The following CCHCR1 variants were observed in gnomAD, a reference collection of about 807,000 sequenced individuals.
CCHCR1 encodes the protein HCR (a-helix coiled-coil rod homologue).
Under a neutral mutation model 114.6 loss-of-function variants are expected in CCHCR1, and 91 were observed. That is an observed-to-expected ratio of 0.79 (90% confidence interval 0.67 to 0.94). The LOEUF is 0.94. CCHCR1 is among the 40% of genes least tolerant of loss of function. CCHCR1 has a pLI of 0.00. For missense variants in CCHCR1, 899 were observed against 1,079.9 expected (o/e 0.83, Z 2.35); for synonymous variants, 379 against 428.5 (o/e 0.88, Z 1.43).
intron 10 of CCHCR1, among the ~76,000 whole-genome samples, chr6:31,146,815 C>A (rs1159626940): frequency 6.6e-6 from 1 of 152,180 alleles, no homozygotes; most frequent in Non-Finnish European, 1.5e-5. Flanking sequence ...CAAAGTCAAA[C>A]CCTGTCCACA....
chr6:31,142,798 G>A (rs751882928), intron 17 of CCHCR1, 82 bp from the exon 18 acceptor site: 38 of 1,551,862 alleles, frequency 2.4e-5, no homozygotes, highest in Admixed American at 8.9e-5. Flanking sequence ...CACAGGAAAT[G>A]AGGAATGGGA....
At position 31,142,699 on chromosome 6, in the gene CCHCR1, G is replaced by C. The variant is rs1318626772; in HGVS notation, c.2509C>G (p.Leu837Val). Reference sequence around the variant, plus strand: ...TCACTCAGGTCCTGCAGGTCATCGAGCAGGACAGAGAGGGACCCTGGGAAG... The same window carrying C: ...TCACTCAGGTCCTGCAGGTCATCGACCAGGACAGAGAGGGACCCTGGGAAG... ...ESIKGSLSVLLDDLQDLSEAI... is the reference protein window; with the variant it reads ...ESIKGSLSVLVDDLQDLSEAI... Residue 837 changes from leucine to valine, a missense_variant, in exon 18 of 18, where the codon CTC becomes GTC. Coordinates refer to ENST00000396268, the MANE Select transcript of CCHCR1 (RefSeq NM_001105564.2). 1 of 1,611,870 alleles carries C rather than the reference G, an allele frequency of 6.2e-7. No homozygotes were observed.
At chr6:31,148,854 C>CCCCCCCCA in intron 8 of CCHCR1, 126 bp from the exon 9 acceptor site, 1 of 53,174 alleles carries the variant, frequency 1.9e-5, no homozygotes, top group Non-Finnish European at 3.1e-5. Flanking sequence ...GGAGGGGGGG[C>CCCCCCCCA]GGGCGACGGG....
intron 4 of CCHCR1, among the ~76,000 whole-genome samples, chr6:31,152,433 G>A (rs1328554153): frequency 6.8e-6 from 1 of 147,516 alleles, no homozygotes; most frequent in Non-Finnish European, 1.5e-5. Context: ...CTGCCTCCCA[G>A]GTTCAAGCGA....
chr6:31,149,053 G>A (rs1325463496), intron 8 of CCHCR1: 8 of 274,716 alleles, frequency 2.9e-5, no homozygotes, highest in Admixed American at 9.1e-5. Flanking sequence ...TCGGGAGGCT[G>A]AGGCAGGAGA....
In CCHCR1 at chr6:31,144,971, A is replaced by G. The variant is rs1362189825; in HGVS notation, c.1979T>C (p.Val660Ala). The G allele has an allele frequency of 2.5e-6, 4 of 1,609,026 alleles. No homozygotes were observed. The highest frequency in any genetic ancestry group is 1.3e-5 in the African/African-American group (1 of 74,788). ...SLASLGLQLE[V>A]ARQGQQESTE... Reference sequence around the variant, plus strand: ...GCTCTCCTGCTGGCCCTGGCGTGCTACCTCCAGCTGCAGCCCCAAGCTAGC... The same window carrying G: ...GCTCTCCTGCTGGCCCTGGCGTGCTGCCTCCAGCTGCAGCCCCAAGCTAGC... The change falls in exon 14 of 18, where the codon GTA (valine) becomes GCA (alanine). Residue 660 changes from valine to alanine, a missense_variant. Physicochemically the swap from Val to Ala is moderately conservative, Grantham distance 64. Coordinates refer to ENST00000396268, the MANE Select transcript of CCHCR1 (RefSeq NM_001105564.2). This position sits in a 1 kb window ranked among gnomAD's most constrained non-coding sequence, Gnocchi z 4.6.
chr6:31,157,294 T>A, intron 1 of CCHCR1, 91 bp downstream of exon 1: 1 of 1,233,308 alleles, frequency 8.1e-7, no homozygotes, highest in South Asian at 1.2e-5. Context: ...CCCAAGCAAC[T>A]ATCAAGTGGA....
Position 31,148,508 on chromosome 6 carries a change from G to C in CCHCR1, c.1477C>G (p.Leu493Val). 1 of 1,611,240 alleles carries C rather than the reference G, an allele frequency of 6.2e-7. No individual in the cohort carries two copies. The highest frequency in any genetic ancestry group is 8.5e-7 in the Non-Finnish European group (1 of 1,178,456). ...TGAGCACGGCTCAGCTCCAACTGCA[G>C]GCCCTGGGGAGGATGCAGCAAAGGA... ...VEVERMGAKG[L>V]QLELSRAQEA... Residue 493 changes from leucine (L) to valine (V), a missense_variant, in exon 10 of 18, where the codon CTG (leucine) becomes GTG (valine). Coordinates refer to ENST00000396268, the MANE Select transcript of CCHCR1 (RefSeq NM_001105564.2).
Position 31,157,715 on chromosome 6 carries a change from T to C in CCHCR1, c.-115A>G. The stretch of plus-strand genomic sequence containing the variant: ...CTTTCCTGCGGCTGTTCTCTCAGCT[T>C]CTCTCTACTATCCCCTTAGCTTCCA... On this transcript the variant is annotated 5_prime_UTR_variant, in exon 1 of 18. Coordinates refer to ENST00000396268, the MANE Select transcript of CCHCR1 (RefSeq NM_001105564.2). 1.3e-6 allele frequency: 1 copy of C among 798,630 alleles called. No individual in the cohort carries two copies. The highest frequency in any genetic ancestry group is 1.7e-5 in the African/African-American group (1 of 58,254). The allele number at this position is 798,630 out of a possible 1,614,324, so 49.5% of individuals were successfully genotyped here.
At chr6:31,153,024 T>C (rs1266539705) in intron 4 of CCHCR1, among the ~76,000 whole-genome samples, 1 of 152,196 alleles carries the variant, frequency 6.6e-6, no homozygotes, top group African/African-American at 2.4e-5. Context: ...CTCGCTCTGC[T>C]GCCCAGGCTG....
rs1581906992 is a variant in CCHCR1, at chr6:31,145,293, T to C, written c.1749A>G (p.Leu583=). The change falls in exon 13 of 18, where the codon CTA becomes CTG. Residue 583 remains leucine (L), a synonymous_variant. Transcript: ENST00000396268. ...LAQLRQESCP[L]PPPVTDVSLE... ...GGCTCACGTCTGTGACCGGTGGTGG[T>C]AGGGGACAGCTGGGACGGGGAAGAG... 3.1e-6 allele frequency: 5 copies of C among 1,613,732 alleles called. No homozygotes were observed. The highest frequency in any genetic ancestry group is 4.2e-6 in the Non-Finnish European group (5 of 1,179,908).
rs1236647475 is a variant in CCHCR1 at position 31,144,775 on chromosome 6, C to CT, written c.2078dup (p.Val694GlyfsTer3). On this transcript the variant is annotated frameshift_variant, in exon 15 of 18. Coordinates refer to ENST00000396268, the MANE Select transcript of CCHCR1 (RefSeq NM_001105564.2). LOFTEE classifies it high-confidence loss of function. This position sits in a 1 kb window ranked among gnomAD's most constrained non-coding sequence, Gnocchi z 4.6. Reference sequence around the variant, plus strand: ...GCAGCCGAGTTTCCACTTCAGCCACCTTTTCTTGCAGGGCTGGGGTGAAAG... The same window carrying CT: ...GCAGCCGAGTTTCCACTTCAGCCACCTTTTTCTTGCAGGGCTGGGGTGAAAG... 3 of 1,613,892 alleles carry CT rather than the reference C, an allele frequency of 1.9e-6. No individual in the cohort carries two copies. The highest frequency in any genetic ancestry group is 2.5e-6 in the Non-Finnish European group (3 of 1,179,952).
chr6:31,151,166 G>T lies in CCHCR1; in HGVS notation c.802-44C>A. ...GCTCAGCAGAGGCTCGACCCCACATGGAGGCCTTCCTTGTTCCCTTCACTC... is the reference window on the plus strand; with the variant it reads ...GCTCAGCAGAGGCTCGACCCCACATTGAGGCCTTCCTTGTTCCCTTCACTC... On this transcript the variant is annotated intron_variant, in intron 4 of 17. Transcript: ENST00000396268. This position sits in a 1 kb window ranked among gnomAD's most constrained non-coding sequence, Gnocchi z 4.1. 2 of 1,575,658 alleles carry T rather than the reference G, an allele frequency of 1.3e-6. No homozygotes were observed. The highest frequency in any genetic ancestry group is 1.4e-5 in the African/African-American group (1 of 73,668).
chr6:31,142,692 T>C lies in CCHCR1; in HGVS notation c.2516A>G (p.Asp839Gly). ...AATGGCTTCACTCAGGTCCTGCAGGTCATCGAGCAGGACAGAGAGGGACCC... is the reference window on the plus strand; with the variant it reads ...AATGGCTTCACTCAGGTCCTGCAGGCCATCGAGCAGGACAGAGAGGGACCC... The part of the protein sequence containing the change: ...IKGSLSVLLD[D>G]LQDLSEAISK... The change falls in exon 18 of 18, where the codon GAC (aspartate) becomes GGC (glycine). Residue 839 changes from aspartate (D) to glycine (G), a missense_variant. Coordinates refer to ENST00000396268, the MANE Select transcript of CCHCR1 (RefSeq NM_001105564.2). 1 of 1,612,272 alleles carries C rather than the reference T, an allele frequency of 6.2e-7. No homozygotes were observed. Among genetic ancestry groups the C allele is most frequent in the Non-Finnish European group, 8.5e-7 (1 of 1,179,792 alleles).
In CCHCR1 at chr6:31,150,329, G is replaced by T; in HGVS notation, c.1213-114C>A. On this transcript the variant is annotated intron_variant, in intron 7 of 17. Transcript: ENST00000396268. The surrounding 1 kb of genome is among the most constrained non-coding windows in gnomAD (Gnocchi z 5.3). ...GGCAACATGAGCTACAGCAAGAGGAGTTCACAGGAAGGAGATCTAAGCAGG... is the reference window on the plus strand; with the variant it reads ...GGCAACATGAGCTACAGCAAGAGGATTTCACAGGAAGGAGATCTAAGCAGG... 7.3e-7 allele frequency: 1 copy of T among 1,374,412 alleles called. No homozygotes were observed. Among genetic ancestry groups the T allele is most frequent in the Non-Finnish European group, 1.0e-6 (1 of 982,168 alleles). The allele number at this position is 1,374,412 out of a possible 1,614,324, so 85.1% of individuals were successfully genotyped here. A position where few individuals can be genotyped will look rare whatever the true frequency, so the allele number is the denominator to read the frequency against.
Position 31,154,861 on chromosome 6 carries a change from A to G in CCHCR1, c.498-62T>C. The stretch of plus-strand genomic sequence containing the variant: ...CAGTGCTGGAAGGATAGTTGAGGGC[A>G]TAAACATAGCCAGGAGAAGGAAAAG... On this transcript the variant is annotated intron_variant, in intron 3 of 17. Coordinates refer to ENST00000396268, the MANE Select transcript of CCHCR1 (RefSeq NM_001105564.2). This position sits in a 1 kb window ranked among gnomAD's most constrained non-coding sequence, Gnocchi z 4.1. 6.9e-7 allele frequency: 1 copy of G among 1,448,236 alleles called. No individual in the cohort carries two copies. Among genetic ancestry groups the G allele is most frequent in the Non-Finnish European group, 9.2e-7 (1 of 1,082,202 alleles). 89.7% of individuals were successfully genotyped at this position (1,448,236 alleles called of 1,614,324 possible).
rs1040589922 is a variant in CCHCR1 at position 31,143,329 on chromosome 6, C to T, written c.2252G>A (p.Arg751Gln). Residue 751 changes from arginine (R) to glutamine (Q), a missense_variant, in exon 16 of 18, where the codon CGG becomes CAG. Physicochemically the swap from Arg to Gln is conservative, Grantham distance 43. Transcript: ENST00000396268. This position sits in a 1 kb window ranked among gnomAD's most constrained non-coding sequence, Gnocchi z 5.3. ...QELRRLQEEA[R>Q]KEEGQRLARR... ...GGCCAGTCGCTGCCCCTCCTCCTTC[C>T]GGGCCTCCTCCTGCAGACGCCTGAG... 3.7e-6 allele frequency: 6 copies of T among 1,612,900 alleles called. No homozygotes were observed. Among genetic ancestry groups the T allele is most frequent in the Non-Finnish European group, 5.1e-6 (6 of 1,180,030 alleles).
In CCHCR1 at chr6:31,148,510, C is replaced by T. The variant is rs1428805736; in HGVS notation, c.1475G>A (p.Gly492Asp). Residue 492 changes from glycine (G) to aspartate (D), a missense_variant and splice_region_variant, in exon 10 of 18, where the codon GGC (glycine) becomes GAC (aspartate). By Grantham distance (94) the Gly-to-Asp change is moderately conservative (BLOSUM62 -1). Transcript: ENST00000396268. ...AGCACGGCTCAGCTCCAACTGCAGG[C>T]CCTGGGGAGGATGCAGCAAAGGACA... ...EVEVERMGAK[G>D]LQLELSRAQE... is the part of the protein sequence containing the mutation. 1.9e-6 allele frequency: 3 copies of T among 1,611,476 alleles called. No individual in the cohort carries two copies. The highest frequency in any genetic ancestry group is 1.1e-5 in the South Asian group (1 of 90,974).
In CCHCR1 at chr6:31,150,945, G is replaced by A. The variant is rs769418877; in HGVS notation, c.965+14C>T. 21 of 1,612,016 alleles carry A rather than the reference G, an allele frequency of 1.3e-5. No individual in the cohort carries two copies. Among genetic ancestry groups the A allele is most frequent in the South Asian group, 7.7e-5 (7 of 91,054 alleles). ...CACTAATTGCTGGGCTCCCGTCGGC[G>A]TCCGCCCACCTACCTCAGCTGCTTC... On this transcript the variant is annotated intron_variant, in intron 5 of 17. Coordinates refer to ENST00000396268, the MANE Select transcript of CCHCR1 (RefSeq NM_001105564.2). The surrounding 1 kb of genome is among the most constrained non-coding windows in gnomAD (Gnocchi z 5.3).
Sources: allele counts gnomAD v4.1 joint callset (sites outside exome capture counted in the v4.1 genomes callset), GRCh38; gene constraint gnomAD v4.1.1; non-coding constraint Gnocchi (gnomAD v3.1); transcripts MANE v1.5; gene names NCBI Gene and HGNC (gene_info 2026-07-23, HGNC 2026-07-21).